Variants in MRPL10 observed in about 807,000 individuals in gnomAD.
MRPL10 encodes the protein large ribosomal subunit protein uL10m.
Under a neutral mutation model 19.8 loss-of-function variants are expected in MRPL10, and 14 were observed. The observed-to-expected ratio is 0.71, with a 90% CI of 0.47 to 1.11. The LOEUF (loss-of-function observed/expected upper bound fraction) is 1.11. Among genes scored for constraint, MRPL10 ranks in the 50% least tolerant of loss-of-function variants. The pLI, the probability that MRPL10 is intolerant of heterozygous loss-of-function variation, is 0.00. For missense variants in MRPL10, 318 were observed against 339.6 expected (o/e 0.94, Z 0.50); for synonymous variants, 129 against 139.2 (o/e 0.93, Z 0.52).
chr17:47,828,387 AAAT>A, intron 2 of MRPL10, 111 bp downstream of exon 2: 1 of 718,848 alleles, frequency 1.4e-6, no homozygotes, highest in Non-Finnish European at 2.1e-6. Flanking sequence ...AGTCAAACTG[AAAT>A]AATGACGTGC....
At position 47,829,295 on chromosome 17, in the gene MRPL10, A is replaced by AAGG. The variant is rs760111205; in HGVS notation, c.53-626_53-625insCCT. The AAGG allele has an allele frequency of 5.7e-4, 86 of 152,074 alleles. 1 individual carries two copies. Among genetic ancestry groups the AAGG allele is most frequent in the South Asian group, 9.6e-4 (5 of 5,196 alleles). The allele number at this position is 152,074 out of a possible 1,614,324, so 9.4% of individuals were successfully genotyped here. A position where few individuals can be genotyped will look rare whatever the true frequency, so the allele number is the denominator to read the frequency against. On this transcript the variant is annotated intron_variant, in intron 1 of 4. Coordinates refer to ENST00000351111, the MANE Select transcript of MRPL10 (RefSeq NM_145255.4). The stretch of plus-strand genomic sequence containing the variant: ...AAAAGAAGGAAGGAAGGAAGGAAGG[A>AAGG]AAGAGAGAGAGAGAGAGAGAAAGAA...
intron 1 of MRPL10, among the ~76,000 whole-genome samples, chr17:47,830,876 C>A (rs912185626): frequency 2.6e-5 from 4 of 152,228 alleles, no homozygotes; most frequent in Admixed American, 6.5e-5. Flanking sequence ...GTCTGAACTT[C>A]AGTTGCTGCG....
chr17:47,831,334 C>T (rs2033626838), intron 1 of MRPL10, 126 bp downstream of exon 1: 2 of 1,536,034 alleles, frequency 1.3e-6, no homozygotes, highest in Non-Finnish European at 1.7e-6. Context: ...AGGAACTGGA[C>T]GGGGTAAGGA....
In MRPL10 at chr17:47,831,519, G is replaced by A. The variant is rs1477419594; in HGVS notation, c.-8C>T. ...CGCCACGGCCGCAGCCATCTCCACC[G>A]GAAGAATGGACGGAAGCCGAGTGGA... On this transcript the variant is annotated 5_prime_UTR_variant, in exon 1 of 5. Coordinates refer to ENST00000351111, the MANE Select transcript of MRPL10 (RefSeq NM_145255.4). 6 of 1,549,692 alleles carry A rather than the reference G, an allele frequency of 3.9e-6. No individual in the cohort carries two copies. The highest frequency in any genetic ancestry group is 1.2e-5 in the South Asian group (1 of 84,014).
At position 47,826,632 on chromosome 17, in the gene MRPL10, C is replaced by A. The variant is rs1230263946; in HGVS notation, c.532+5G>T. 1 of 1,612,884 alleles carries A rather than the reference C, an allele frequency of 6.2e-7. No individual in the cohort carries two copies. The highest frequency in any genetic ancestry group is 8.5e-7 in the Non-Finnish European group (1 of 1,179,972). On this transcript the variant is annotated splice_donor_5th_base_variant and intron_variant, in intron 4 of 4. Transcript: ENST00000351111. ...CACCCCTAACTGGCAGGGGTGCTTGCTCACCTAGCAGCGGCAGGAATGGCA... is the reference window on the plus strand; with the variant it reads ...CACCCCTAACTGGCAGGGGTGCTTGATCACCTAGCAGCGGCAGGAATGGCA...
At chr17:47,828,401 A>G in intron 2 of MRPL10, 100 bp downstream of exon 2, 2 of 817,536 alleles carry the variant, frequency 2.4e-6, no homozygotes, top group South Asian at 3.1e-5. Context: ...AATGACGTGC[A>G]TGACAATGGC....
intron 1 of MRPL10, among the ~76,000 whole-genome samples, chr17:47,831,156 A>G (rs1201330618): frequency 6.6e-6 from 1 of 152,236 alleles, no homozygotes; most frequent in Non-Finnish European, 1.5e-5. Flanking sequence ...AAAATTACAG[A>G]TTGCGACGGG....
At position 47,828,678 on chromosome 17, in the gene MRPL10, G is replaced by A. The variant is rs1181182243; in HGVS notation, c.53-8C>T. On this transcript the variant is annotated splice_polypyrimidine_tract_variant and splice_region_variant and intron_variant, in intron 1 of 4. Transcript: ENST00000351111. ...GGAGGGTAGGCAGCCGGCCTGGGAG[G>A]GCATATAGCAACATGGTTAGAGGCA... The A allele has an allele frequency of 6.6e-7, 1 of 1,507,208 alleles. No individual in the cohort carries two copies. Among genetic ancestry groups the A allele is most frequent in the Non-Finnish European group, 8.8e-7 (1 of 1,140,288 alleles). 93.4% of individuals were successfully genotyped at this position (1,507,208 alleles called of 1,614,324 possible).
rs369797242 is a variant in MRPL10, at chr17:47,827,044, T to C, written c.383A>G (p.Asn128Ser). ...GCCAAGGGGCCTGCTCCCTACCTGG[T>C]TGGGGAAGACCTTCATCAGGATCTT... ...KHKILMKVFPNQVLKPFLEDS... is the reference protein window; with the variant it reads ...KHKILMKVFPSQVLKPFLEDS... The change falls in exon 3 of 5, where the codon AAC becomes AGC. Residue 128 changes from asparagine (N) to serine (S), a missense_variant. Physicochemically the swap from Asn to Ser is conservative, Grantham distance 46 (BLOSUM62 1). Transcript: ENST00000351111. 14 of 1,610,406 alleles carry C rather than the reference T, an allele frequency of 8.7e-6. No individual in the cohort carries two copies. Among genetic ancestry groups the C allele is most frequent in the East Asian group, 2.2e-5 (1 of 44,868 alleles).
chr17:47,824,484 C>A (rs544132097), intron 4 of MRPL10, 26 bp from the exon 5 acceptor site: 148 of 1,510,586 alleles, frequency 9.8e-5, no homozygotes, highest in Non-Finnish European at 1.3e-4. Flanking sequence ...GTCAGTTAGG[C>A]TCCTTGCAGA....
At position 47,831,442 on chromosome 17, in the gene MRPL10, A is replaced by T. The variant is rs1381606535; in HGVS notation, c.52+18T>A. 2 of 1,548,442 alleles carry T rather than the reference A, an allele frequency of 1.3e-6. No individual in the cohort carries two copies. The highest frequency in any genetic ancestry group is 1.7e-6 in the Non-Finnish European group (2 of 1,146,840). ...AGCGGCCGCAAGACACGCCGTGAGG[A>T]CCTGGGCCACTCCTTACCCGCCTGG... On this transcript the variant is annotated intron_variant, in intron 1 of 4. Transcript: ENST00000351111.
intron 1 of MRPL10, 186 bp downstream of exon 1, chr17:47,831,274 G>A (rs1210074813): frequency 7.4e-6 from 11 of 1,486,044 alleles, no homozygotes; most frequent in South Asian, 1.3e-5. Context: ...AGAAACGCTG[G>A]AGACAGACAA....
chr17:47,827,503 T>C (rs1292873578), intron 2 of MRPL10, among the ~76,000 whole-genome samples: 1 of 152,184 alleles, frequency 6.6e-6, no homozygotes, highest in Non-Finnish European at 1.5e-5. Flanking sequence ...TGCTTGACAA[T>C]AATATTGCTA....
chr17:47,829,147 C>T (rs143442267), intron 1 of MRPL10: 3,190 of 154,572 alleles, frequency 0.021, 42 homozygotes, highest in Middle Eastern at 0.05. Flanking sequence ...ACCTGTAATC[C>T]CAGCTACTTG....
rs753011367 is a variant in MRPL10 at position 47,826,710 on chromosome 17, C to G, written c.459G>C (p.Leu153=). The change falls in exon 4 of 5, where the codon CTG becomes CTC. Residue 153 remains leucine, a synonymous_variant. Coordinates refer to ENST00000351111, the MANE Select transcript of MRPL10 (RefSeq NM_145255.4). ...LLPLFVGHNM[L]LVSEEPKVKE... is the part of the protein sequence containing the mutation. ...TGACCTTGGGCTCTTCACTGACCAGCAGCATGTTGTGCCCCACAAAAAGGG... is the reference window on the plus strand; with the variant it reads ...TGACCTTGGGCTCTTCACTGACCAGGAGCATGTTGTGCCCCACAAAAAGGG... 7 of 1,614,216 alleles carry G rather than the reference C, an allele frequency of 4.3e-6. No homozygotes were observed. The highest frequency in any genetic ancestry group is 5.9e-6 in the Non-Finnish European group (7 of 1,180,048).
At chr17:47,824,833 G>C (rs1437832883) in intron 4 of MRPL10, among the ~76,000 whole-genome samples, 5 of 151,700 alleles carry the variant, frequency 3.3e-5, no homozygotes, top group African/African-American at 7.3e-5. Context: ...GGCCAACATG[G>C]AGAAACCCCG....
At chr17:47,826,557 C>T (rs1335651155) in intron 4 of MRPL10, 80 bp downstream of exon 4, 79 of 1,557,498 alleles carry the variant, frequency 5.1e-5, no homozygotes, top group South Asian at 5.8e-5. Context: ...AGAACGTTCA[C>T]GGTTTTACCA....
At chr17:47,825,906 G>A (rs1270924792) in intron 4 of MRPL10, among the ~76,000 whole-genome samples, 5 of 151,960 alleles carry the variant, frequency 3.3e-5, no homozygotes, top group Admixed American at 6.6e-5. Flanking sequence ...TTGGGAGGCT[G>A]AGGTGGCGGA....
At chr17:47,826,211 T>C (rs965531177) in intron 4 of MRPL10, among the ~76,000 whole-genome samples, 4 of 142,758 alleles carry the variant, frequency 2.8e-5, no homozygotes, top group African/African-American at 1.1e-4. Context: ...ACCTGTGAAA[T>C]CTGGATTTCC....
Sources: allele counts gnomAD v4.1 joint callset (sites outside exome capture counted in the v4.1 genomes callset), GRCh38; gene constraint gnomAD v4.1.1; transcripts MANE v1.5; gene names NCBI Gene and HGNC (gene_info 2026-07-23, HGNC 2026-07-21).